Variants in PLEKHA7 observed in about 807,000 individuals in gnomAD.
The protein encoded by PLEKHA7 is pleckstrin homology domain containing A7, also known as pleckstrin homology domain-containing family A member 7.
A neutral mutation model predicts 170.0 loss-of-function variants in PLEKHA7; 104 were observed. The ratio of observed to expected loss-of-function variants is 0.61; its 90% CI spans 0.52 to 0.72. The LOEUF (loss-of-function observed/expected upper bound fraction) is 0.72, where lower values mean the gene tolerates loss of function less well. Ranked by LOEUF, PLEKHA7 falls within the 30% of genes least tolerant of loss-of-function variation. The pLI is 0.00. For synonymous variants in PLEKHA7, 648 were observed against 660.8 expected, an observed-to-expected ratio of 0.98 and a Z score of 0.30; for missense variants, 1,615 against 1,671.7, an observed-to-expected ratio of 0.97 and a Z score of 0.59.
At chr11:16,844,983 G>A (rs1279294209) in intron 8 of PLEKHA7, among the ~76,000 whole-genome samples, 1 of 152,244 alleles carries the variant, frequency 6.6e-6, no homozygotes, top group Non-Finnish European at 1.5e-5. Context: ...CCACATAGAA[G>A]AGAAATACTA....
intron 3 of PLEKHA7, among the ~76,000 whole-genome samples, chr11:16,886,991 T>C (rs946716531): frequency 2.0e-5 from 3 of 152,158 alleles, no homozygotes; most frequent in Non-Finnish European, 2.9e-5. Context: ...GATTAGCAAA[T>C]GATAACCTGT....
In PLEKHA7 at chr11:16,899,717, A is replaced by G. The variant is rs75249164; in HGVS notation, c.222-28535T>C. Among the ~76,000 whole-genome samples, 307 of 152,260 alleles carry G rather than the reference A, an allele frequency of 2.0e-3. 3 individuals are homozygous for G. Among genetic ancestry groups the G allele is most frequent in the East Asian group, 0.012 (61 of 5,180 alleles). ...TCAGGCACTGTGCTATGTACTTCCCATATGATTTTCATTTAATATTCATCA... is the reference window on the plus strand; with the variant it reads ...TCAGGCACTGTGCTATGTACTTCCCGTATGATTTTCATTTAATATTCATCA... On this transcript the variant is annotated intron_variant, in intron 3 of 26. Transcript: ENST00000531066.
At chr11:16,820,546 G>A (rs902227995) in intron 10 of PLEKHA7, among the ~76,000 whole-genome samples, 1 of 151,280 alleles carries the variant, frequency 6.6e-6, no homozygotes, top group African/African-American at 2.4e-5. Flanking sequence ...CCTCAAAACA[G>A]AGGTGGTAGC....
chr11:16,981,905 G>A (rs531293066), intron 3 of PLEKHA7, among the ~76,000 whole-genome samples: 2 of 152,080 alleles, frequency 1.3e-5, no homozygotes, highest in Non-Finnish European at 2.9e-5. Flanking sequence ...GGCCCTCCCC[G>A]AAGGCACCAG....
intron 13 of PLEKHA7, chr11:16,807,273 T>C (rs142070746): frequency 7.8e-4 from 652 of 841,052 alleles, no homozygotes; most frequent in Non-Finnish European, 8.7e-4. Flanking sequence ...AGGTGAGACA[T>C]CAAATGACAC....
rs561991487 is a variant in PLEKHA7, at chr11:16,951,480, T to C, written c.221+62509A>G. 3.9e-5 allele frequency among the ~76,000 whole-genome samples: 6 copies of C among 152,292 alleles called. No homozygotes were observed. In the South Asian group the frequency reaches 1.0e-3, roughly 26 times the overall value. On this transcript the variant is annotated intron_variant, in intron 3 of 26. Transcript: ENST00000531066. Reference sequence around the variant, plus strand: ...ATTGTCTCACTGAATCCTTATCTTATGAGATAGATATTTTTATTAGTTCCC... The same window carrying C: ...ATTGTCTCACTGAATCCTTATCTTACGAGATAGATATTTTTATTAGTTCCC...
chr11:16,782,547 A>C (rs1467453074), intron 26 of PLEKHA7, among the ~76,000 whole-genome samples: 1 of 152,130 alleles, frequency 6.6e-6, no homozygotes, highest in Non-Finnish European at 1.5e-5. Flanking sequence ...GGTCTCCTCC[A>C]CTGTGTGGCC....
At chr11:16,805,543 G>A (rs1046401063) in intron 13 of PLEKHA7, among the ~76,000 whole-genome samples, 1 of 152,014 alleles carries the variant, frequency 6.6e-6, no homozygotes, top group African/African-American at 2.4e-5. Context: ...TGTAATCCCA[G>A]CACTTTGGGA....
intron 3 of PLEKHA7, among the ~76,000 whole-genome samples, chr11:16,946,831 T>G (rs867483682): frequency 6.6e-6 from 1 of 151,954 alleles, no homozygotes; most frequent in Middle Eastern, 3.4e-3. Flanking sequence ...AAACACTCCC[T>G]CGGCCACCAT....
chr11:16,879,397 T>A (rs1855544162), intron 3 of PLEKHA7, among the ~76,000 whole-genome samples: 1 of 152,104 alleles, frequency 6.6e-6, no homozygotes, highest in African/African-American at 2.4e-5. Flanking sequence ...ACCGATGTCA[T>A]TTTCTGATTT....
At chr11:16,990,273 CAAAAAAAAAAAA>C (rs550741646) in intron 3 of PLEKHA7, among the ~76,000 whole-genome samples, 1 of 62,700 alleles carries the variant, frequency 1.6e-5, no homozygotes, top group African/African-American at 6.4e-5. Context: ...GACCCTGTCT[CAAAAAAAAAAAA>C]AAAAAAAAAA....
chr11:16,930,061 G>A (rs1372009397), intron 3 of PLEKHA7, among the ~76,000 whole-genome samples: 2 of 152,082 alleles, frequency 1.3e-5, no homozygotes, highest in Admixed American at 6.5e-5. Flanking sequence ...TTGGGGAGCA[G>A]GGAGCTGGCC....
rs746422672 is a variant in PLEKHA7 at position 16,817,015 on chromosome 11, G to C, written c.1651C>G (p.Gln551Glu). The C allele has an allele frequency of 6.2e-7, 1 of 1,603,604 alleles. No homozygotes were observed. Among genetic ancestry groups the C allele is most frequent in the South Asian group, 1.1e-5 (1 of 89,314 alleles). Residue 551 changes from glutamine (Q) to glutamate (E), a missense_variant, in exon 11 of 27, where the codon CAG (glutamine) becomes GAG (glutamate). By Grantham distance (29) the Gln-to-Glu change is conservative (BLOSUM62 2). Coordinates refer to ENST00000531066, the MANE Select transcript of PLEKHA7 (RefSeq NM_001329630.2). This position sits in a 1 kb window ranked among gnomAD's most constrained non-coding sequence, Gnocchi z 4.4. The part of the protein sequence containing the change: ...ICLGSPEFTD[Q>E]GRSRSMLEVP... ...TCTAGCATGCTCCTGCTCCGGCCCT[G>C]GTCGGTGAACTCTGGGGAGCCAAGG...
Position 16,801,210 on chromosome 11 carries a change from A to T in PLEKHA7, c.2308-135T>A, listed in dbSNP as rs567630443. 3.6e-5 allele frequency: 27 copies of T among 749,648 alleles called. No homozygotes were observed. In the African/African-American group the frequency reaches 4.3e-4, roughly 12 times the overall value. 46.4% of individuals were successfully genotyped at this position (749,648 alleles called of 1,614,324 possible). A position where few individuals can be genotyped will look rare whatever the true frequency, so the allele number is the denominator to read the frequency against. On this transcript the variant is annotated intron_variant, in intron 16 of 26. Coordinates refer to ENST00000531066, the MANE Select transcript of PLEKHA7 (RefSeq NM_001329630.2). The stretch of plus-strand genomic sequence containing the variant: ...GGAGACCGGGCAGGCCTGGTGGGAG[A>T]GAGAGAGGAGCAGGAAAGAGCGTGG...
intron 4 of PLEKHA7, among the ~76,000 whole-genome samples, chr11:16,865,931 G>A (rs1016941148): frequency 5.3e-5 from 8 of 151,738 alleles, no homozygotes; most frequent in Middle Eastern, 3.4e-3. Context: ...TCTGCCTCCC[G>A]GGCTCAAGTG....
At chr11:16,798,955 A>T (rs1848414479) in intron 17 of PLEKHA7, among the ~76,000 whole-genome samples, 1 of 152,236 alleles carries the variant, frequency 6.6e-6, no homozygotes, top group Non-Finnish European at 1.5e-5. Flanking sequence ...ACTATGAAAT[A>T]GTATGTAACA....
intron 8 of PLEKHA7, among the ~76,000 whole-genome samples, chr11:16,841,923 A>G (rs1283731006): frequency 1.4e-5 from 2 of 146,742 alleles, no homozygotes; most frequent in Non-Finnish European, 3.0e-5. Flanking sequence ...CTGTTCCCCA[A>G]AGTAAAAGCC....
At position 16,789,764 on chromosome 11, in the gene PLEKHA7, AG is replaced by A; in HGVS notation, c.3156+10del. On this transcript the variant is annotated intron_variant, in intron 22 of 26. Coordinates refer to ENST00000531066, the MANE Select transcript of PLEKHA7 (RefSeq NM_001329630.2). This position sits in a 1 kb window ranked among gnomAD's most constrained non-coding sequence, Gnocchi z 4.6. The stretch of plus-strand genomic sequence containing the variant: ...GAGCAGGGAGGTCCTCGACAGCTCA[AG>A]GCCACTCACAGGGAAGGTCGCCTTG... 6.2e-7 allele frequency: 1 copy of A among 1,609,318 alleles called. No individual in the cohort carries two copies. The highest frequency in any genetic ancestry group is 1.1e-5 in the South Asian group (1 of 90,890).
Position 16,791,720 on chromosome 11 carries a change from C to G in PLEKHA7, c.2746-521G>C, listed in dbSNP as rs984388779. 1.5e-5 allele frequency: 7 copies of G among 456,378 alleles called. No individual in the cohort carries two copies. The highest frequency in any genetic ancestry group is 2.2e-5 in the Non-Finnish European group (5 of 226,952). The allele number at this position is 456,378 out of a possible 1,614,324, so 28.3% of individuals were successfully genotyped here. A position where few individuals can be genotyped will look rare whatever the true frequency, so the allele number is the denominator to read the frequency against. On this transcript the variant is annotated intron_variant, in intron 19 of 26. Coordinates refer to ENST00000531066, the MANE Select transcript of PLEKHA7 (RefSeq NM_001329630.2). This position sits in a 1 kb window ranked among gnomAD's most constrained non-coding sequence, Gnocchi z 4.5. Reference sequence around the variant, plus strand: ...GTCTACATCCTCCTGGCCTTTCTATCAGAAATGTGCATGGTTACAAAATAT... The same window carrying G: ...GTCTACATCCTCCTGGCCTTTCTATGAGAAATGTGCATGGTTACAAAATAT...
Sources: gnomAD v4.1 joint callset for allele counts (sites outside exome capture counted in the v4.1 genomes callset) on GRCh38, gnomAD v4.1.1 for gene constraint, Gnocchi (gnomAD v3.1) non-coding constraint, MANE v1.5 for transcripts, NCBI Gene and HGNC (gene_info 2026-07-23, HGNC 2026-07-21) for gene names.